The following SLC25A40 variants were observed in gnomAD, a reference collection of about 807,000 sequenced individuals.
SLC25A40 encodes the protein mitochondrial glutathione transporter SLC25A40.
Under a neutral mutation model 46.5 loss-of-function variants are expected in SLC25A40, and 41 were observed. The ratio of observed to expected loss-of-function variants is 0.88; its 90% CI spans 0.69 to 1.14. SLC25A40 has a LOEUF of 1.14. Among genes scored for constraint, SLC25A40 ranks in the 50% most tolerant of loss-of-function variants. The pLI, the probability that SLC25A40 is intolerant of heterozygous loss-of-function variation, is 0.00. For synonymous variants in SLC25A40, 126 were observed against 127.5 expected (o/e 0.99, Z 0.08); for missense variants, 386 against 393.6 (o/e 0.98, Z 0.16).
chr7:87,840,004 T>G (rs767602577), intron 10 of SLC25A40, among the ~76,000 whole-genome samples: 14 of 151,766 alleles, frequency 9.2e-5, no homozygotes, highest in Non-Finnish European at 1.5e-4. Flanking sequence ...TATGGGCTGA[T>G]TATCACTCAA....
intron 10 of SLC25A40, among the ~76,000 whole-genome samples, chr7:87,841,168 T>C (rs931483447): frequency 2.7e-5 from 4 of 149,212 alleles, no homozygotes; most frequent in Non-Finnish European, 6.0e-5. Flanking sequence ...TGTATATATA[T>C]ATATATATAC....
At chr7:87,866,292 A>G (rs940468169) in intron 1 of SLC25A40, among the ~76,000 whole-genome samples, 17 of 152,008 alleles carry the variant, frequency 1.1e-4, no homozygotes, top group African/African-American at 3.9e-4. Flanking sequence ...TTTCAAGGGT[A>G]TATTTGCTGG....
intron 1 of SLC25A40, among the ~76,000 whole-genome samples, chr7:87,868,348 T>G (rs955348275): frequency 6.6e-6 from 1 of 152,222 alleles, no homozygotes; most frequent in African/African-American, 2.4e-5. Flanking sequence ...GACCAAATGT[T>G]TGGGGGTGAG....
chr7:87,862,664 C>G (rs756197465), intron 1 of SLC25A40, among the ~76,000 whole-genome samples: 2 of 152,136 alleles, frequency 1.3e-5, no homozygotes, highest in Non-Finnish European at 2.9e-5. Context: ...TCTTGATTTA[C>G]CTTCTGTATT....
chr7:87,860,374 C>T (rs1838678732), intron 2 of SLC25A40, among the ~76,000 whole-genome samples, 198 bp downstream of exon 2: 1 of 152,112 alleles, frequency 6.6e-6, no homozygotes, highest in Admixed American at 6.5e-5. Flanking sequence ...AAGTAGGCTG[C>T]ATACATCATG....
At chr7:87,864,569 G>A (rs1295605809) in intron 1 of SLC25A40, among the ~76,000 whole-genome samples, 1 of 152,112 alleles carries the variant, frequency 6.6e-6, no homozygotes, top group Non-Finnish European at 1.5e-5. Context: ...ATTTTATAGT[G>A]ACTTTGTCTC....
intron 3 of SLC25A40, among the ~76,000 whole-genome samples, 189 bp downstream of exon 3, chr7:87,858,442 C>A (rs965551476): frequency 3.3e-5 from 5 of 152,174 alleles, no homozygotes; most frequent in African/African-American, 1.2e-4. Context: ...CAATCACGGT[C>A]CTACCAATAT....
chr7:87,839,741 T>G (rs553332323), intron 10 of SLC25A40, among the ~76,000 whole-genome samples: 1 of 151,806 alleles, frequency 6.6e-6, no homozygotes, highest in African/African-American at 2.4e-5. Context: ...TATACCAGCA[T>G]GGTGCCTGAC....
intron 4 of SLC25A40, among the ~76,000 whole-genome samples, chr7:87,855,747 C>T (rs1365944402): frequency 2.0e-5 from 3 of 152,196 alleles, no homozygotes; most frequent in Non-Finnish European, 2.9e-5. Context: ...AGTCCAAACA[C>T]GTGTTTTCTG....
At chr7:87,871,359 A>C (rs1242240773) in intron 1 of SLC25A40, among the ~76,000 whole-genome samples, 1 of 152,174 alleles carries the variant, frequency 6.6e-6, no homozygotes, top group East Asian at 1.9e-4. Flanking sequence ...TCTTGCCAAC[A>C]ACCCCTAGTG....
At chr7:87,845,549 C>T (rs1231734458) in intron 8 of SLC25A40, among the ~76,000 whole-genome samples, 1 of 151,042 alleles carries the variant, frequency 6.6e-6, no homozygotes, top group Non-Finnish European at 1.5e-5. Flanking sequence ...CGCGCTCATG[C>T]ACACACACAC....
rs1383084404 is a variant in SLC25A40 at position 87,858,740 on chromosome 7, T to C, written c.-13A>G. ...TCTCAGGATCCATATTTTTAACTAA[T>C]TAAATAAAAACCTGTTAAAAAGAAA... On this transcript the variant is annotated 5_prime_UTR_variant, in exon 3 of 12. Coordinates refer to ENST00000341119, the MANE Select transcript of SLC25A40 (RefSeq NM_018843.4). 2 of 1,572,640 alleles carry C rather than the reference T, an allele frequency of 1.3e-6. No homozygotes were observed. Among genetic ancestry groups the C allele is most frequent in the Middle Eastern group, 1.8e-4 (1 of 5,416 alleles).
At chr7:87,858,995 T>C (rs575077648) in intron 2 of SLC25A40, among the ~76,000 whole-genome samples, 15 of 152,298 alleles carry the variant, frequency 9.8e-5, no homozygotes, top group African/African-American at 3.6e-4. Context: ...TACAGCCCTT[T>C]ATTGTATACC....
At chr7:87,856,224 C>CAAA in intron 4 of SLC25A40, 68 bp downstream of exon 4, 22 of 1,022,072 alleles carry the variant, frequency 2.2e-5, no homozygotes, top group Admixed American at 5.6e-5. Context: ...GAATGTTAGG[C>CAAA]AAAAAAAAAA....
intron 8 of SLC25A40, among the ~76,000 whole-genome samples, chr7:87,845,171 A>C (rs1838393695): frequency 6.6e-6 from 1 of 152,192 alleles, no homozygotes; most frequent in Admixed American, 6.5e-5. Context: ...TACTGGCCTG[A>C]AGTCAGAAAC....
intron 1 of SLC25A40, among the ~76,000 whole-genome samples, chr7:87,873,253 A>G (rs918091147): frequency 3.3e-5 from 5 of 152,128 alleles, no homozygotes; most frequent in Non-Finnish European, 7.3e-5. Context: ...AAAAAAAGTG[A>G]TAAGTACTAC....
chr7:87,864,340 G>A (rs1224181664), intron 1 of SLC25A40, among the ~76,000 whole-genome samples: 1 of 152,180 alleles, frequency 6.6e-6, no homozygotes, highest in Non-Finnish European at 1.5e-5. Flanking sequence ...ATTTATGTTA[G>A]AAAGATGTGA....
chr7:87,834,850 G>A lies in SLC25A40; in HGVS notation c.*1399C>T, dbSNP rs1432729978. 1 of 151,554 alleles carries A rather than the reference G, an allele frequency of 6.6e-6. No individual in the cohort carries two copies. Among genetic ancestry groups the A allele is most frequent in the Admixed American group, 6.6e-5 (1 of 15,150 alleles). The allele number at this position is 151,554 out of a possible 1,614,324, so 9.4% of individuals were successfully genotyped here. On this transcript the variant is annotated 3_prime_UTR_variant, in exon 12 of 12. Coordinates refer to ENST00000341119, the MANE Select transcript of SLC25A40 (RefSeq NM_018843.4). ...ATATAAGAAAGTCATGAATATTTAT[G>A]TGGATATGTATGTTGCAAATTTAAG...
rs114592540 is a variant in SLC25A40 at position 87,868,290 on chromosome 7, G to A, written c.-93-7650C>T. On this transcript the variant is annotated intron_variant, in intron 1 of 11. Transcript: ENST00000341119. ...AAAGTATCTGTGATACTCTCAAACCGTGTTTTTCCTCTGCTCTCACACCAG... is the reference window on the plus strand; with the variant it reads ...AAAGTATCTGTGATACTCTCAAACCATGTTTTTCCTCTGCTCTCACACCAG... 5.3e-3 allele frequency among the ~76,000 whole-genome samples: 803 copies of A among 152,298 alleles called. 1 individual carries two copies. Among genetic ancestry groups the A allele is most frequent in the Non-Finnish European group, 6.3e-3 (426 of 68,030 alleles).
Sources: allele counts gnomAD v4.1 joint callset (sites outside exome capture counted in the v4.1 genomes callset), GRCh38; gene constraint gnomAD v4.1.1; transcripts MANE v1.5; gene names NCBI Gene and HGNC (gene_info 2026-07-23, HGNC 2026-07-21).